The following DENND1A variants were observed in gnomAD, a reference collection of about 807,000 sequenced individuals.
DENND1A encodes the protein DENN domain-containing protein 1A.
A neutral mutation model predicts 113.7 loss-of-function variants in DENND1A; 51 were observed. The ratio of observed to expected loss-of-function variants is 0.45; its 90% confidence interval spans 0.36 to 0.57. The LOEUF is 0.57. DENND1A is among the 20% of genes least tolerant of loss of function. The pLI, the probability that DENND1A is intolerant of heterozygous loss-of-function variation, is 0.00. For missense variants in DENND1A, 1,258 were observed against 1,395.9 expected (o/e 0.90, Z 1.57); for synonymous variants, 565 against 570.8 (o/e 0.99, Z 0.14).
At chr9:123,872,993 T>C (rs1846888773) in intron 2 of DENND1A, among the ~76,000 whole-genome samples, 1 of 152,188 alleles carries the variant, frequency 6.6e-6, no homozygotes, top group South Asian at 2.1e-4. Context: ...CAGCGTAAGG[T>C]TTATATCTAA....
intron 5 of DENND1A, among the ~76,000 whole-genome samples, chr9:123,686,372 G>A (rs1467758446): frequency 9.9e-5 from 15 of 152,156 alleles, no homozygotes; most frequent in Admixed American, 9.2e-4. Flanking sequence ...GTATGATCAC[G>A]TACAATGATA....
Position 123,381,399 on chromosome 9 carries a change from G to A in DENND1A, c.*33C>T, listed in dbSNP as rs759513118. On this transcript the variant is annotated 3_prime_UTR_variant, in exon 24 of 24. Coordinates refer to ENST00000394215, the MANE Select transcript of DENND1A (RefSeq NM_001352964.2). This position sits in a 1 kb window ranked among gnomAD's most constrained non-coding sequence, Gnocchi z 4.7. ...ACCGCAGCAGTGGACGGACCCTCGG[G>A]CCTCGGTGCATCCCCCACCCTCAGG... 3 of 1,599,544 alleles carry A rather than the reference G, an allele frequency of 1.9e-6. No homozygotes were observed. Among genetic ancestry groups the A allele is most frequent in the Non-Finnish European group, 2.6e-6 (3 of 1,170,472 alleles).
intron 8 of DENND1A, among the ~76,000 whole-genome samples, chr9:123,660,766 C>T (rs1363765952): frequency 4.6e-5 from 7 of 152,298 alleles, no homozygotes; most frequent in African/African-American, 7.2e-5. Context: ...AAGGCACAAA[C>T]GCCAAAAAAC....
chr9:123,695,773 A>C (rs926503114), intron 5 of DENND1A, among the ~76,000 whole-genome samples: 5 of 152,218 alleles, frequency 3.3e-5, no homozygotes, highest in Admixed American at 6.5e-5. Context: ...GTGGCAGACT[A>C]CCAACCCCGG....
chr9:123,711,220 T>C (rs1448711349), intron 5 of DENND1A, among the ~76,000 whole-genome samples: 1 of 151,538 alleles, frequency 6.6e-6, no homozygotes. Flanking sequence ...ATCCCAGCAC[T>C]TTGGGAGGCT....
intron 10 of DENND1A, among the ~76,000 whole-genome samples, chr9:123,628,477 G>A (rs78994876): frequency 0.018 from 2,770 of 152,156 alleles, 64 homozygotes; most frequent in African/African-American, 0.056. Context: ...AGTCTCCAAT[G>A]GAAGGAGAGA....
rs192465114 is a variant in DENND1A, at chr9:123,418,216, G to A, written c.1489-6387C>T. On this transcript the variant is annotated intron_variant, in intron 19 of 23. Coordinates refer to ENST00000394215, the MANE Select transcript of DENND1A (RefSeq NM_001352964.2). ...CAGGCCTCCATATTGCCAACCCACCGGCCCTGGCCACACCACTGCTGGGAG... is the reference window on the plus strand; with the variant it reads ...CAGGCCTCCATATTGCCAACCCACCAGCCCTGGCCACACCACTGCTGGGAG... Among the ~76,000 whole-genome samples, 129 of 152,238 alleles carry A rather than the reference G, an allele frequency of 8.5e-4. 2 individuals carry two copies. In the South Asian group the frequency reaches 0.012, roughly 14 times the overall value.
chr9:123,453,634 G>A (rs1275427165), intron 16 of DENND1A, among the ~76,000 whole-genome samples: 4 of 152,262 alleles, frequency 2.6e-5, no homozygotes, highest in East Asian at 1.9e-4. Flanking sequence ...AAACTGATTC[G>A]TATGGAGAGA....
At chr9:123,691,313 G>A (rs536297222) in intron 5 of DENND1A, among the ~76,000 whole-genome samples, 4 of 152,262 alleles carry the variant, frequency 2.6e-5, no homozygotes, top group South Asian at 2.1e-4. Context: ...ACAATGCTAC[G>A]TGATGATGCT....
At chr9:123,796,756 TACACACACACAC>T (rs370185315) in intron 2 of DENND1A, among the ~76,000 whole-genome samples, 30 of 141,510 alleles carry the variant, frequency 2.1e-4, no homozygotes, top group Non-Finnish European at 1.1e-4. Flanking sequence ...TATGTGTACA[TACACACACACAC>T]ACACACACAC....
At chr9:123,472,095 G>C (rs968155909) in intron 13 of DENND1A, among the ~76,000 whole-genome samples, 1 of 152,172 alleles carries the variant, frequency 6.6e-6, no homozygotes, top group Non-Finnish European at 1.5e-5. Flanking sequence ...CCGTACTTTG[G>C]AGCACACAGC....
intron 16 of DENND1A, among the ~76,000 whole-genome samples, chr9:123,452,572 G>C (rs1288028599): frequency 6.6e-6 from 1 of 152,040 alleles, no homozygotes; most frequent in African/African-American, 2.4e-5. Flanking sequence ...GGGATGAGGA[G>C]TGTGAATTGA....
At chr9:123,458,274 T>C (rs908199616) in intron 13 of DENND1A, among the ~76,000 whole-genome samples, 5 of 152,144 alleles carry the variant, frequency 3.3e-5, no homozygotes, top group Non-Finnish European at 7.4e-5. Context: ...GTGCTGGGAT[T>C]ACAGGTGTGA....
chr9:123,541,926 G>A (rs1473291382), intron 13 of DENND1A, among the ~76,000 whole-genome samples: 2 of 152,204 alleles, frequency 1.3e-5, no homozygotes, highest in Non-Finnish European at 2.9e-5. Context: ...AGCTCTCCTG[G>A]AATCTCAACC....
At chr9:123,777,048 C>T (rs918315063) in intron 3 of DENND1A, among the ~76,000 whole-genome samples, 5 of 152,164 alleles carry the variant, frequency 3.3e-5, no homozygotes, top group African/African-American at 9.7e-5. Context: ...TATACTTGGA[C>T]GCTTTTATAT....
intron 13 of DENND1A, among the ~76,000 whole-genome samples, chr9:123,510,008 T>C (rs1015839630): frequency 1.3e-5 from 2 of 152,238 alleles, no homozygotes; most frequent in East Asian, 1.9e-4. Flanking sequence ...ATTCCTCTCC[T>C]GGACGAGAAA....
In DENND1A at chr9:123,445,179, G is replaced by A. The variant is rs563426666; in HGVS notation, c.1357-4688C>T. ...TGGACATGAGTCTCCATGAGAAATC[G>A]GGGAGGTAAGGACCCAGGGTCTCGG... On this transcript the variant is annotated intron_variant, in intron 18 of 23. Coordinates refer to ENST00000394215, the MANE Select transcript of DENND1A (RefSeq NM_001352964.2). Among the ~76,000 whole-genome samples, 5 of 152,332 alleles carry A rather than the reference G, an allele frequency of 3.3e-5. No individual in the cohort carries two copies. The South Asian group carries it at 6.2e-4, about 19-fold the overall frequency.
intron 22 of DENND1A, among the ~76,000 whole-genome samples, chr9:123,386,578 T>G (rs2042575528): frequency 6.6e-6 from 1 of 152,102 alleles, no homozygotes; most frequent in Non-Finnish European, 1.5e-5. Context: ...ATGATGGGGT[T>G]TCACCATGTT....
At chr9:123,468,910 GA>G (rs1472593293) in intron 13 of DENND1A, among the ~76,000 whole-genome samples, 7 of 152,246 alleles carry the variant, frequency 4.6e-5, no homozygotes, top group East Asian at 1.9e-4. Context: ...GAGATCTTCT[GA>G]AATGATTTCC....
Sources: allele counts gnomAD v4.1 joint callset (sites outside exome capture counted in the v4.1 genomes callset), GRCh38; gene constraint gnomAD v4.1.1; non-coding constraint Gnocchi (gnomAD v3.1); transcripts MANE v1.5; gene names NCBI Gene and HGNC (gene_info 2026-07-23, HGNC 2026-07-21).